SNX29: variants seen among roughly 807,000 people sequenced by gnomAD.
The protein encoded by SNX29 is sorting nexin 29, also known as sorting nexin-29.
In SNX29, 78 loss-of-function variants were observed where a neutral mutation model predicts 102.1. The ratio of observed to expected loss-of-function variants is 0.76; its 90% confidence interval spans 0.64 to 0.92. SNX29 has a LOEUF of 0.92. Ranked by LOEUF, SNX29 falls within the 40% of genes least tolerant of loss-of-function variation. SNX29 has a pLI of 0.00. For synonymous variants in SNX29, 580 were observed against 414.5 expected, an observed-to-expected ratio of 1.40 and a Z score of -4.85; for missense variants, 1,280 against 1,061.7, an observed-to-expected ratio of 1.21 and a Z score of -2.86.
intron 20 of SNX29, among the ~76,000 whole-genome samples, chr16:12,548,067 C>CA (rs2077722194): frequency 6.6e-6 from 1 of 151,888 alleles, no homozygotes; most frequent in Admixed American, 6.5e-5. Flanking sequence ...CACACACGGT[C>CA]AGGCATGACA....
intron 8 of SNX29, among the ~76,000 whole-genome samples, chr16:12,053,570 A>G (rs979877728): frequency 1.3e-5 from 2 of 152,112 alleles, no homozygotes; most frequent in African/African-American, 4.8e-5. Flanking sequence ...ACAGAAATGT[A>G]TCTTTCTATC....
At position 12,568,958 on chromosome 16, in the gene SNX29, C is replaced by T. The variant is rs1598129853; in HGVS notation, c.*329C>T. 1.8e-5 allele frequency: 7 copies of T among 380,642 alleles called. No individual in the cohort carries two copies. In the East Asian group the frequency reaches 2.3e-4, roughly 13 times the overall value. The allele number at this position is 380,642 out of a possible 1,614,324, so 23.6% of individuals were successfully genotyped here. On this transcript the variant is annotated 3_prime_UTR_variant, in exon 21 of 21. Transcript: ENST00000566228. ...GCAGGAGGGTGGGCACCAGGTCAGG[C>T]TGGGTGCGCCATGGTTGAGAGGCAA...
At position 12,052,031 on chromosome 16, in the gene SNX29, C is replaced by A; in HGVS notation, c.933C>A (p.Phe311Leu). The A allele has an allele frequency of 1.2e-6, 2 of 1,613,976 alleles. No homozygotes were observed. The highest frequency in any genetic ancestry group is 2.7e-5 in the African/African-American group (2 of 75,040). Residue 311 changes from phenylalanine (F) to leucine (L), a missense_variant, in exon 8 of 21, where the codon TTC (phenylalanine) becomes TTA (leucine). Coordinates refer to ENST00000566228, the MANE Select transcript of SNX29 (RefSeq NM_032167.5). Reference protein sequence around the residue: ...VNIMSAFESPFGPNSNGSQSS... With the variant: ...VNIMSAFESPLGPNSNGSQSS... Reference sequence around the variant, plus strand: ...TCATGTCCGCCTTTGAAAGCCCCTTCGGGCCTAACTCCAATGGAAGTCAGA... The same window carrying A: ...TCATGTCCGCCTTTGAAAGCCCCTTAGGGCCTAACTCCAATGGAAGTCAGA...
chr16:12,417,268 G>T (rs2084674235), intron 18 of SNX29, among the ~76,000 whole-genome samples: 1 of 152,220 alleles, frequency 6.6e-6, no homozygotes, highest in Non-Finnish European at 1.5e-5. Context: ...GTACCTCTTG[G>T]CACACTGGGC....
At chr16:12,355,562 G>A (rs151124119) in intron 15 of SNX29, among the ~76,000 whole-genome samples, 24 of 152,302 alleles carry the variant, frequency 1.6e-4, no homozygotes, top group African/African-American at 5.8e-4. Context: ...TTCTTGGAGA[G>A]TGTAGCAGGA....
chr16:12,106,705 T>C (rs2053266074), intron 11 of SNX29, among the ~76,000 whole-genome samples: 1 of 151,366 alleles, frequency 6.6e-6, no homozygotes, highest in Admixed American at 6.6e-5. Flanking sequence ...TATCTATGAC[T>C]CCTGGGCTTA....
rs144093655 is a variant in SNX29 at position 12,571,750 on chromosome 16, T to C, written c.*3121T>C. On this transcript the variant is annotated 3_prime_UTR_variant, in exon 21 of 21. Transcript: ENST00000566228. ...GGCTGCTAGAAACCTAGCCCAACCATCCACTCCTGATCTGAGACAGAACCT... is the reference window on the plus strand; with the variant it reads ...GGCTGCTAGAAACCTAGCCCAACCACCCACTCCTGATCTGAGACAGAACCT... The C allele has an allele frequency of 1.3e-3, 1,335 of 1,018,630 alleles. 1 individual carries two copies. Among genetic ancestry groups the C allele is most frequent in the South Asian group, 1.6e-3 (34 of 21,060 alleles). The allele number at this position is 1,018,630 out of a possible 1,614,324, so 63.1% of individuals were successfully genotyped here.
intron 19 of SNX29, among the ~76,000 whole-genome samples, chr16:12,486,216 G>T (rs533506602): frequency 6.6e-6 from 1 of 152,048 alleles, no homozygotes; most frequent in African/African-American, 2.4e-5. Context: ...ATCTTCCCCC[G>T]ATCACAGCAG....
chr16:12,223,476 A>G (rs1023768079), intron 14 of SNX29, among the ~76,000 whole-genome samples: 3 of 152,212 alleles, frequency 2.0e-5, no homozygotes, highest in Non-Finnish European at 2.9e-5. Flanking sequence ...AGCCTGGCCA[A>G]CATGGTGAAA....
chr16:12,402,202 G>T (rs1018878284), intron 17 of SNX29, among the ~76,000 whole-genome samples: 3 of 152,206 alleles, frequency 2.0e-5, no homozygotes, highest in Non-Finnish European at 2.9e-5. Flanking sequence ...CCTCAAAGGA[G>T]GTCAGCTCCT....
chr16:12,302,544 C>G (rs1252812261), intron 15 of SNX29, among the ~76,000 whole-genome samples: 1 of 152,000 alleles, frequency 6.6e-6, no homozygotes, highest in East Asian at 1.9e-4. Flanking sequence ...GCCATGTTCT[C>G]ACATCGTGGA....
At chr16:12,412,677 T>C (rs1414812689) in intron 18 of SNX29, among the ~76,000 whole-genome samples, 1 of 152,206 alleles carries the variant, frequency 6.6e-6, no homozygotes, top group Non-Finnish European at 1.5e-5. Flanking sequence ...GTGCATGTGT[T>C]TTTGTGTGTG....
chr16:12,357,119 T>C lies in SNX29; in HGVS notation c.1899+840T>C, dbSNP rs118158130. Among the ~76,000 whole-genome samples, 251 of 152,366 alleles carry C rather than the reference T, an allele frequency of 1.6e-3. 1 individual carries two copies. Among genetic ancestry groups the C allele is most frequent in the South Asian group, 7.7e-3 (37 of 4,822 alleles). The stretch of plus-strand genomic sequence containing the variant: ...ACACTTGTCCTTTTGTGCAGACATA[T>C]AATAGCTTCCTCATTTTACAACTTC... On this transcript the variant is annotated intron_variant, in intron 16 of 20. Coordinates refer to ENST00000566228, the MANE Select transcript of SNX29 (RefSeq NM_032167.5).
rs745829 is a variant in SNX29, at chr16:12,569,420, A to C, written c.*791A>C. 0.21 allele frequency: 47,695 copies of C among 230,508 alleles called. 5,982 individuals carry two copies. Among genetic ancestry groups the C allele is most frequent in the East Asian group, 0.44 (7,109 of 16,238 alleles). 14.3% of individuals were successfully genotyped at this position (230,508 alleles called of 1,614,324 possible). ...AGCAGCAACCTAGTAACCCGGCGTC[A>C]TCCAGCGTGTCCAAAGTAGCATTGG... On this transcript the variant is annotated 3_prime_UTR_variant, in exon 21 of 21. Transcript: ENST00000566228.
chr16:12,154,335 C>T (rs1400837322), intron 13 of SNX29, among the ~76,000 whole-genome samples: 3 of 144,988 alleles, frequency 2.1e-5, no homozygotes. Context: ...CAGGCTGTCC[C>T]CCGTTCTGAG....
chr16:12,568,223 C>G (rs867862674), intron 20 of SNX29, among the ~76,000 whole-genome samples: 2 of 150,870 alleles, frequency 1.3e-5, no homozygotes, highest in Admixed American at 6.6e-5. Flanking sequence ...CTTTCATAGC[C>G]TTAAAATGTA....
chr16:12,074,267 A>G (rs1433938025), intron 10 of SNX29, among the ~76,000 whole-genome samples: 1 of 151,640 alleles, frequency 6.6e-6, no homozygotes, highest in Non-Finnish European at 1.5e-5. Context: ...TCTAGTCTCG[A>G]TGGTCTTTAC....
intron 19 of SNX29, among the ~76,000 whole-genome samples, chr16:12,510,923 C>A (rs2089589263): frequency 6.6e-6 from 1 of 152,096 alleles, no homozygotes; most frequent in Non-Finnish European, 1.5e-5. Context: ...TGGGGTCCTT[C>A]CTGTGGGGAG....
In SNX29 at chr16:11,999,313, C is replaced by CA. The variant is rs745468237; in HGVS notation, c.28dup (p.Arg10LysfsTer41). 1 of 1,614,016 alleles carries CA rather than the reference C, an allele frequency of 6.2e-7. No individual in the cohort carries two copies. The highest frequency in any genetic ancestry group is 8.5e-7 in the Non-Finnish European group (1 of 1,179,946). The stretch of plus-strand genomic sequence containing the variant: ...GCATTTTAGGATCACAGAACAATGA[C>CA]AAAAGACAATTTCTGCTGGAGCGAC... On this transcript the variant is annotated frameshift_variant, in exon 2 of 21. Coordinates refer to ENST00000566228, the MANE Select transcript of SNX29 (RefSeq NM_032167.5). LOFTEE classifies it high-confidence loss of function.
Sources: allele counts gnomAD v4.1 joint callset (sites outside exome capture counted in the v4.1 genomes callset), GRCh38; gene constraint gnomAD v4.1.1; transcripts MANE v1.5; gene names NCBI Gene and HGNC (gene_info 2026-07-23, HGNC 2026-07-21).